The following IGF2BP3 variants were observed in gnomAD, a reference collection of about 807,000 sequenced individuals.
IGF2BP3 encodes the protein insulin like growth factor 2 mRNA binding protein 3.
IGF2BP3 carries 9 observed loss-of-function variants against 73.8 expected under a neutral mutation model. The observed-to-expected ratio is 0.12, with a 90% CI of 0.07 to 0.21. The LOEUF (loss-of-function observed/expected upper bound fraction) is 0.21. IGF2BP3 is among the 10% of genes least tolerant of loss of function. The probability of loss-of-function intolerance (pLI) is 1.00; values close to 1 mark genes in which losing one functional copy is unlikely to be tolerated. For missense variants in IGF2BP3, 542 were observed against 714.0 expected, an observed-to-expected ratio of 0.76 and a Z score of 2.75; for synonymous variants, 258 against 256.7, an observed-to-expected ratio of 1.01 and a Z score of -0.05.
At chr7:23,437,309 C>CTGGT (rs1787828902) in intron 2 of IGF2BP3, among the ~76,000 whole-genome samples, 1 of 151,284 alleles carries the variant, frequency 6.6e-6, no homozygotes, top group Admixed American at 6.6e-5. Context: ...TGGTGAAACC[C>CTGGT]CCATCTCTAC....
chr7:23,322,210 A>G (rs1020602049), intron 10 of IGF2BP3, among the ~76,000 whole-genome samples: 10 of 152,212 alleles, frequency 6.6e-5, no homozygotes, highest in African/African-American at 2.4e-4. Flanking sequence ...AATAACCAAT[A>G]CACAGAAGTG....
At chr7:23,371,340 GCA>G (rs144675517) in intron 3 of IGF2BP3, among the ~76,000 whole-genome samples, 6,381 of 152,188 alleles carry the variant, frequency 0.042, 442 homozygotes, top group African/African-American at 0.15. Flanking sequence ...AAACAGCTCA[GCA>G]CAGTTTATAC....
At chr7:23,434,637 A>T (rs1412160257) in intron 2 of IGF2BP3, among the ~76,000 whole-genome samples, 2 of 152,032 alleles carry the variant, frequency 1.3e-5, no homozygotes, top group Admixed American at 1.3e-4. Context: ...AGGTAACTCA[A>T]CTCTTTCTTT....
intron 5 of IGF2BP3, among the ~76,000 whole-genome samples, chr7:23,352,705 C>T (rs763800099): frequency 2.0e-5 from 3 of 152,182 alleles, no homozygotes; most frequent in Non-Finnish European, 4.4e-5. Context: ...AACTAGAACA[C>T]ACCAGGGCCC....
chr7:23,377,033 C>T (rs1785743428), intron 3 of IGF2BP3, among the ~76,000 whole-genome samples: 1 of 151,714 alleles, frequency 6.6e-6, no homozygotes, highest in East Asian at 1.9e-4. Context: ...AGTAAATTAC[C>T]AGTTACACAT....
intron 10 of IGF2BP3, among the ~76,000 whole-genome samples, chr7:23,322,758 G>A (rs1342896659): frequency 6.6e-6 from 1 of 152,142 alleles, no homozygotes; most frequent in Non-Finnish European, 1.5e-5. Context: ...GAGAGTGGGG[G>A]CCGATATTCA....
intron 2 of IGF2BP3, among the ~76,000 whole-genome samples, chr7:23,442,667 G>C (rs148620976): frequency 6.6e-6 from 1 of 151,734 alleles, no homozygotes. Context: ...CAAAGGGCTG[G>C]GATTACAGGC....
At chr7:23,321,999 T>C (rs1213858823) in intron 10 of IGF2BP3, among the ~76,000 whole-genome samples, 1 of 152,016 alleles carries the variant, frequency 6.6e-6, no homozygotes, top group Non-Finnish European at 1.5e-5. Context: ...AACTGGAAAC[T>C]CTTAAAAAGC....
At chr7:23,373,417 C>T (rs1221857971) in intron 3 of IGF2BP3, among the ~76,000 whole-genome samples, 1 of 152,104 alleles carries the variant, frequency 6.6e-6, no homozygotes, top group African/African-American at 2.4e-5. Context: ...ACGCTCTGCA[C>T]CATTAGTCAT....
chr7:23,428,637 G>C (rs916560506), intron 2 of IGF2BP3, among the ~76,000 whole-genome samples: 1 of 150,638 alleles, frequency 6.6e-6, no homozygotes, highest in African/African-American at 2.4e-5. Flanking sequence ...GGCCCACGAA[G>C]TTGAGAGGCT....
At chr7:23,456,753 G>A (rs1369022919) in intron 2 of IGF2BP3, among the ~76,000 whole-genome samples, 10 of 152,142 alleles carry the variant, frequency 6.6e-5, no homozygotes, top group Admixed American at 5.9e-4. Context: ...GTCAACATAA[G>A]AAATTTAGTT....
intron 10 of IGF2BP3, among the ~76,000 whole-genome samples, chr7:23,330,471 TG>T (rs199830862): frequency 0.013 from 1,908 of 152,028 alleles, 43 homozygotes; most frequent in African/African-American, 0.043. Context: ...TGATTGGCCT[TG>T]GTATGACTTC....
At chr7:23,318,239 C>T (rs561101579) in intron 11 of IGF2BP3, among the ~76,000 whole-genome samples, 6 of 152,136 alleles carry the variant, frequency 3.9e-5, no homozygotes, top group Non-Finnish European at 7.3e-5. Context: ...CTTTGTTTGT[C>T]TGAGGCAGGG....
intron 10 of IGF2BP3, among the ~76,000 whole-genome samples, chr7:23,341,664 T>C (rs1239893552): frequency 6.6e-6 from 1 of 151,938 alleles, no homozygotes; most frequent in Non-Finnish European, 1.5e-5. Flanking sequence ...AGTGGGACTG[T>C]GTCTCCAAAA....
chr7:23,408,557 A>T (rs926105152), intron 3 of IGF2BP3, among the ~76,000 whole-genome samples: 10 of 152,244 alleles, frequency 6.6e-5, no homozygotes, highest in African/African-American at 2.4e-4. Flanking sequence ...GTTGGTAGAA[A>T]TGTAAAACAG....
At chr7:23,415,629 A>G (rs1787168571) in intron 3 of IGF2BP3, 1 of 209,278 alleles carries the variant, frequency 4.8e-6, no homozygotes. Context: ...GACACTCTGA[A>G]CAAGATGTAT....
chr7:23,389,975 C>G (rs545971209), intron 3 of IGF2BP3, among the ~76,000 whole-genome samples: 1 of 152,164 alleles, frequency 6.6e-6, no homozygotes, highest in East Asian at 1.9e-4. Flanking sequence ...GACCCTGTCT[C>G]TAAAATACAC....
At chr7:23,360,420 G>T (rs1405164768) in intron 5 of IGF2BP3, among the ~76,000 whole-genome samples, 1 of 152,100 alleles carries the variant, frequency 6.6e-6, no homozygotes, top group East Asian at 1.9e-4. Context: ...TGTGTAAAAG[G>T]AGGAATACAT....
intron 2 of IGF2BP3, among the ~76,000 whole-genome samples, chr7:23,454,280 CATAACT>C (rs1239554337): frequency 6.6e-6 from 1 of 152,064 alleles, no homozygotes; most frequent in Non-Finnish European, 1.5e-5. Flanking sequence ...AAGATAATTC[CATAACT>C]AAACACATTT....
Sources: gnomAD v4.1 joint callset for allele counts (sites outside exome capture counted in the v4.1 genomes callset) on GRCh38, gnomAD v4.1.1 for gene constraint, MANE v1.5 for transcripts, NCBI Gene and HGNC (gene_info 2026-07-23, HGNC 2026-07-21) for gene names.